POLR1D: variants seen among roughly 807,000 people sequenced by gnomAD.
The protein encoded by POLR1D is DNA-directed RNA polymerases I and III subunit RPAC2.
A neutral mutation model predicts 10.8 loss-of-function variants in POLR1D; 8 were observed. The ratio of observed to expected loss-of-function variants is 0.74; its 90% CI spans 0.43 to 1.33. The LOEUF is 1.33. POLR1D is among the 40% of genes most tolerant of loss of function. The pLI is 0.01. For missense variants in POLR1D, 152 were observed against 161.7 expected (o/e 0.94, Z 0.32); for synonymous variants, 54 against 57.2 (o/e 0.94, Z 0.25).
intron 1 of POLR1D, among the ~76,000 whole-genome samples, chr13:27,640,955 A>G (rs1566147143): frequency 6.6e-6 from 1 of 152,178 alleles, no homozygotes; most frequent in Non-Finnish European, 1.5e-5. Context: ...ACATTGTACT[A>G]GGTATAATCT....
intron 1 of POLR1D, among the ~76,000 whole-genome samples, chr13:27,639,978 A>G (rs138447090): frequency 1.6e-3 from 239 of 152,306 alleles, no homozygotes; most frequent in African/African-American, 5.5e-3. Flanking sequence ...GCCTGGGTTC[A>G]CATCCCAGGC....
chr13:27,658,034 T>C (rs2138568907), intron 2 of POLR1D, among the ~76,000 whole-genome samples: 1 of 152,302 alleles, frequency 6.6e-6, no homozygotes, highest in East Asian at 1.9e-4. Flanking sequence ...TTCCATTTAT[T>C]TAAATAAGTG....
chr13:27,644,287 T>C (rs1039493715), intron 1 of POLR1D, among the ~76,000 whole-genome samples: 4 of 152,238 alleles, frequency 2.6e-5, no homozygotes, highest in Non-Finnish European at 5.9e-5. Context: ...CTGGAACAGT[T>C]AACCCTCAGT....
downstream of POLR1D, among the ~76,000 whole-genome samples, chr13:27,626,230 C>T (rs1956007955): frequency 6.6e-6 from 1 of 152,156 alleles, no homozygotes; most frequent in African/African-American, 2.4e-5. Flanking sequence ...TAAACCAAGG[C>T]CTGTCAGGAG....
At chr13:27,654,389 T>A (rs1293145551) in intron 2 of POLR1D, among the ~76,000 whole-genome samples, 1 of 152,222 alleles carries the variant, frequency 6.6e-6, no homozygotes, top group Non-Finnish European at 1.5e-5. Flanking sequence ...TTATATAATA[T>A]TTTTAAAATC....
At chr13:27,648,183 A>C (rs1273588352) in intron 1 of POLR1D, 1 of 463,822 alleles carries the variant, frequency 2.2e-6, no homozygotes, top group Non-Finnish European at 4.0e-6. Context: ...TTTTCTCTTC[A>C]ATGTTGCTTC....
At chr13:27,650,063 A>G in intron 2 of POLR1D, 1 of 398,478 alleles carries the variant, frequency 2.5e-6, no homozygotes. Flanking sequence ...GACAAGATAC[A>G]AACTAAAATC....
rs1261925987 is a variant in POLR1D at position 27,642,383 on chromosome 13, CTGTT to C, written c.27-5989_27-5986del. ...AAGGATACGTGTTGCTGTTGTGCCCCTGTTTGTTTGGCCACTACAGGGGATTGCT... is the reference window on the plus strand; with the variant it reads ...AAGGATACGTGTTGCTGTTGTGCCCCTGTTTGGCCACTACAGGGGATTGCT... On this transcript the variant is annotated intron_variant, in intron 1 of 2. Transcript: ENST00000399697. Among the ~76,000 whole-genome samples the C allele has an allele frequency of 1.2e-4, 19 of 152,202 alleles. No homozygotes were observed. The East Asian group carries it at 3.3e-3, about 26-fold the overall frequency.
chr13:27,647,389 T>C (rs992261137), intron 1 of POLR1D, among the ~76,000 whole-genome samples: 1 of 151,448 alleles, frequency 6.6e-6, no homozygotes, highest in Non-Finnish European at 1.5e-5. Context: ...TTTATTATTA[T>C]TATTTTTATT....
At chr13:27,649,973 G>A (rs188236300) in intron 2 of POLR1D, 24 of 397,988 alleles carry the variant, frequency 6.0e-5, no homozygotes, top group African/African-American at 1.0e-4. Context: ...AAACTACCAC[G>A]CTTAGCTTCA....
intron 2 of POLR1D, chr13:27,650,942 A>G (rs1218782528): frequency 1.3e-5 from 2 of 152,254 alleles, no homozygotes; most frequent in Non-Finnish European, 2.9e-5. Context: ...TGTACAAATT[A>G]TACTTCAAAG....
intron 2 of POLR1D, among the ~76,000 whole-genome samples, chr13:27,660,280 T>G (rs1956351306): frequency 6.6e-6 from 1 of 152,198 alleles, no homozygotes; most frequent in African/African-American, 2.4e-5. Context: ...GTTAGGCCTC[T>G]GCTTCAGTCT....
rs1956041137 is a variant in POLR1D, at chr13:27,628,620, G to A, written c.26+6611G>A. Among the ~76,000 whole-genome samples, 5 of 152,228 alleles carry A rather than the reference G, an allele frequency of 3.3e-5. No individual in the cohort carries two copies. The South Asian group carries it at 1.0e-3, about 32-fold the overall frequency. ...ATGAACCTTTCTAGAGGAATAAATT[G>A]TATATTTCAGCCTTGTGTTTGTGAC... On this transcript the variant is annotated intron_variant, in intron 1 of 2. Transcript: ENST00000399697.
chr13:27,635,759 A>G (rs1315505263), intron 1 of POLR1D, among the ~76,000 whole-genome samples: 1 of 148,520 alleles, frequency 6.7e-6, no homozygotes, highest in East Asian at 2.0e-4. Flanking sequence ...AATTGTATTT[A>G]ATCCCCCTAA....
chr13:27,652,753 C>T (rs1347518548), intron 2 of POLR1D, among the ~76,000 whole-genome samples: 1 of 151,768 alleles, frequency 6.6e-6, no homozygotes, highest in Non-Finnish European at 1.5e-5. Flanking sequence ...GTCTGTAATC[C>T]CAGCTACTCA....
intron 2 of POLR1D, among the ~76,000 whole-genome samples, chr13:27,652,937 T>TTTTTAG (rs1956279661): frequency 6.9e-6 from 1 of 145,914 alleles, no homozygotes; most frequent in Non-Finnish European, 1.5e-5. Context: ...TTTTTTTTTT[T>TTTTTAG]GAGACGGAGT....
intron 1 of POLR1D, among the ~76,000 whole-genome samples, chr13:27,629,494 G>T (rs1015780654): frequency 6.6e-6 from 1 of 152,136 alleles, no homozygotes; most frequent in Non-Finnish European, 1.5e-5. Flanking sequence ...AGCAAGCTGG[G>T]TTGGTTTATA....
At chr13:27,643,905 C>A (rs1425566264) in intron 1 of POLR1D, among the ~76,000 whole-genome samples, 1 of 152,184 alleles carries the variant, frequency 6.6e-6, no homozygotes, top group Non-Finnish European at 1.5e-5. Flanking sequence ...CTTGTTTGAA[C>A]ACATCAAGAA....
At chr13:27,659,521 A>G (rs1956338832) in intron 2 of POLR1D, among the ~76,000 whole-genome samples, 1 of 152,150 alleles carries the variant, frequency 6.6e-6, no homozygotes, top group Admixed American at 6.6e-5. Flanking sequence ...TTGCTTTCCT[A>G]TCTGTCACTT....
Sources: allele counts gnomAD v4.1 joint callset (sites outside exome capture counted in the v4.1 genomes callset), GRCh38; gene constraint gnomAD v4.1.1; transcripts MANE v1.5; gene names NCBI Gene and HGNC (gene_info 2026-07-23, HGNC 2026-07-21).